AKAIN1: variants seen among roughly 807,000 people sequenced by gnomAD.
AKAIN1 encodes the protein A-kinase anchor protein inhibitor 1.
Under a neutral mutation model 3.7 loss-of-function variants are expected in AKAIN1, and 3 were observed. The ratio of observed to expected loss-of-function variants is 0.82; its 90% CI spans 0.37 to 2.12. The LOEUF (loss-of-function observed/expected upper bound fraction) is 2.12. Ranked by LOEUF, AKAIN1 falls within the 30% of genes most tolerant of loss-of-function variation. The pLI, the probability that AKAIN1 is intolerant of heterozygous loss-of-function variation, is 0.06. For missense variants in AKAIN1, 82 were observed against 82.7 expected, an observed-to-expected ratio of 0.99 and a Z score of 0.03; for synonymous variants, 31 against 30.8, an observed-to-expected ratio of 1.01 and a Z score of -0.02.
chr18:5,168,865 A>T (rs1310089119), intron 1 of AKAIN1, among the ~76,000 whole-genome samples: 1 of 126,420 alleles, frequency 7.9e-6, no homozygotes, highest in Non-Finnish European at 1.6e-5. Flanking sequence ...GCAATTCATT[A>T]AAAAAAAAAA....
chr18:5,195,509 A>T (rs573322135), intron 1 of AKAIN1, among the ~76,000 whole-genome samples: 2 of 152,316 alleles, frequency 1.3e-5, no homozygotes, highest in African/African-American at 2.4e-5. Flanking sequence ...ACCAAAAATC[A>T]TCTACCCCTG....
At chr18:5,186,654 G>T (rs2071289219) in intron 1 of AKAIN1, among the ~76,000 whole-genome samples, 1 of 152,096 alleles carries the variant, frequency 6.6e-6, no homozygotes, top group Non-Finnish European at 1.5e-5. Context: ...TATCAGTAAG[G>T]ATATAAAAGA....
intron 1 of AKAIN1, among the ~76,000 whole-genome samples, chr18:5,170,046 T>G (rs2071189009): frequency 2.0e-5 from 3 of 152,126 alleles, no homozygotes; most frequent in African/African-American, 7.2e-5. Context: ...ATTCACACAT[T>G]TGGGATATTC....
intron 1 of AKAIN1, among the ~76,000 whole-genome samples, chr18:5,186,000 A>G (rs1298434779): frequency 6.6e-6 from 1 of 152,130 alleles, no homozygotes; most frequent in East Asian, 1.9e-4. Context: ...ACACAACCAT[A>G]AAAAAGAATG....
chr18:5,188,692 T>C (rs2071301527), intron 1 of AKAIN1, among the ~76,000 whole-genome samples: 1 of 152,098 alleles, frequency 6.6e-6, no homozygotes, highest in South Asian at 2.1e-4. Flanking sequence ...CACCCTCCTG[T>C]AAATTCTACC....
chr18:5,146,556 C>A (rs561518165), intron 1 of AKAIN1, among the ~76,000 whole-genome samples: 1 of 152,354 alleles, frequency 6.6e-6, no homozygotes, highest in South Asian at 2.1e-4. Context: ...TCAAGGTCAA[C>A]TTTGCTCCTA....
intron 1 of AKAIN1, among the ~76,000 whole-genome samples, chr18:5,148,686 T>C (rs946474753): frequency 6.6e-6 from 1 of 151,972 alleles, no homozygotes; most frequent in Non-Finnish European, 1.5e-5. Flanking sequence ...CGAAACCCCA[T>C]CTCTACTAAA....
intron 1 of AKAIN1, among the ~76,000 whole-genome samples, chr18:5,171,223 A>C (rs886401092): frequency 6.6e-6 from 1 of 152,182 alleles, no homozygotes; most frequent in African/African-American, 2.4e-5. Context: ...CTCTTAAACA[A>C]TATGCTATAC....
At chr18:5,193,699 C>T (rs536022781) in intron 1 of AKAIN1, among the ~76,000 whole-genome samples, 8 of 152,232 alleles carry the variant, frequency 5.3e-5, no homozygotes, top group African/African-American at 1.9e-4. Flanking sequence ...GTCTTTCTTC[C>T]TTGTTCCTCA....
At chr18:5,190,974 A>C (rs1460489632) in intron 1 of AKAIN1, among the ~76,000 whole-genome samples, 1 of 152,168 alleles carries the variant, frequency 6.6e-6, no homozygotes, top group African/African-American at 2.4e-5. Context: ...GAAAATATTC[A>C]ACATCTATTG....
At chr18:5,196,719 G>A (rs1227490294) in intron 1 of AKAIN1, among the ~76,000 whole-genome samples, 1 of 152,218 alleles carries the variant, frequency 6.6e-6, no homozygotes, top group Admixed American at 6.5e-5. Context: ...TCTTGCCCGT[G>A]TAGGTGCCGG....
At chr18:5,182,056 G>A (rs929212443) in intron 1 of AKAIN1, among the ~76,000 whole-genome samples, 21 of 152,164 alleles carry the variant, frequency 1.4e-4, no homozygotes, top group African/African-American at 5.1e-4. Flanking sequence ...TCAGCAAGAT[G>A]GCCATCTGCT....
chr18:5,187,798 T>C (rs575478904), intron 1 of AKAIN1, among the ~76,000 whole-genome samples: 72 of 152,216 alleles, frequency 4.7e-4, no homozygotes, highest in South Asian at 1.0e-3. Flanking sequence ...TTTATCCCAA[T>C]AGTCCCAAAA....
At chr18:5,172,654 AATAAAGTTCT>A (rs201471821) in intron 1 of AKAIN1, among the ~76,000 whole-genome samples, 7,283 of 151,892 alleles carry the variant, frequency 0.048, 433 homozygotes, top group African/African-American at 0.13. Flanking sequence ...TTTAGGGAGG[AATAAAGTTCT>A]ATATCAGAAA....
chr18:5,145,286 G>A lies in AKAIN1; in HGVS notation c.*276C>T. On this transcript the variant is annotated 3_prime_UTR_variant, in exon 2 of 2. Transcript: ENST00000434239. ...ATAGAATTCTTTTTTTCAAATAAAA[G>A]AACTTTAAAAATAAATTGGCCTGCA... is the stretch of plus-strand genomic sequence containing the variant. The A allele has an allele frequency of 3.3e-6, 1 of 302,958 alleles. No homozygotes were observed. Among genetic ancestry groups the A allele is most frequent in the Non-Finnish European group, 6.1e-6 (1 of 164,186 alleles). The allele number at this position is 302,958 out of a possible 1,614,324, so 18.8% of individuals were successfully genotyped here. A position where few individuals can be genotyped will look rare whatever the true frequency, so the allele number is the denominator to read the frequency against.
chr18:5,197,511 A>AAAAAAACTCTAAG, upstream of AKAIN1: 1 of 1,225,418 alleles, frequency 8.2e-7, no homozygotes, highest in Non-Finnish European at 1.0e-6. This position sits in a 1 kb window ranked among gnomAD's most constrained non-coding sequence, Gnocchi z 6.9. Flanking sequence ...TGTCAAAAAA[A>AAAAAAACTCTAAG]AAAAACTCTA....
chr18:5,181,492 A>G (rs1439804293), intron 1 of AKAIN1, among the ~76,000 whole-genome samples: 3 of 152,122 alleles, frequency 2.0e-5, no homozygotes, highest in Non-Finnish European at 4.4e-5. Flanking sequence ...CATGTGATAC[A>G]TGTGGCACAG....
intron 1 of AKAIN1, among the ~76,000 whole-genome samples, chr18:5,151,494 A>G (rs1414226919): frequency 6.6e-6 from 1 of 152,218 alleles, no homozygotes; most frequent in Admixed American, 6.5e-5. Context: ...TGCTAGCCCA[A>G]CTGAGCATGC....
intron 1 of AKAIN1, among the ~76,000 whole-genome samples, chr18:5,165,372 T>C (rs1339693757): frequency 1.3e-5 from 2 of 151,910 alleles, no homozygotes; most frequent in South Asian, 2.1e-4. Flanking sequence ...TAGGAGACAA[T>C]GAGTAAGGTG....
Sources: gnomAD v4.1 joint callset for allele counts (sites outside exome capture counted in the v4.1 genomes callset) on GRCh38, gnomAD v4.1.1 for gene constraint, Gnocchi (gnomAD v3.1) non-coding constraint, MANE v1.5 for transcripts, NCBI Gene and HGNC (gene_info 2026-07-23, HGNC 2026-07-21) for gene names.